Variants in COL27A1 observed in about 807,000 individuals in gnomAD.
COL27A1 encodes the protein collagen alpha-1(XXVII) chain.
A neutral mutation model predicts 251.3 loss-of-function variants in COL27A1; 106 were observed. The ratio of observed to expected loss-of-function variants is 0.42; its 90% CI spans 0.36 to 0.50. COL27A1 has a LOEUF of 0.50. COL27A1 is among the 20% of genes least tolerant of loss of function. The probability of loss-of-function intolerance (pLI) is 0.00; values close to 1 mark genes in which losing one functional copy is unlikely to be tolerated. For synonymous variants in COL27A1, 1,000 were observed against 986.3 expected, an observed-to-expected ratio of 1.01 and a Z score of -0.26; for missense variants, 2,325 against 2,522.8, an observed-to-expected ratio of 0.92 and a Z score of 1.68.
At chr9:114,260,036 G>A (rs1362818963) in intron 28 of COL27A1, among the ~76,000 whole-genome samples, 1 of 152,106 alleles carries the variant, frequency 6.6e-6, no homozygotes, top group South Asian at 2.1e-4. Context: ...GCCAAGGGCA[G>A]CCAGGCTCCA....
At chr9:114,308,164 A>G (rs139196927) in intron 59 of COL27A1, among the ~76,000 whole-genome samples, 1 of 152,300 alleles carries the variant, frequency 6.6e-6, no homozygotes, top group Non-Finnish European at 1.5e-5. Flanking sequence ...CGAATACTTA[A>G]CTCATGTTCA....
At position 114,155,997 on chromosome 9, in the gene COL27A1, C is replaced by T. The variant is rs767203384; in HGVS notation, c.47C>T (p.Ala16Val). 10 of 1,295,412 alleles carry T rather than the reference C, an allele frequency of 7.7e-6. No homozygotes were observed. In the African/African-American group the frequency reaches 1.2e-4, roughly 16 times the overall value. The allele number at this position is 1,295,412 out of a possible 1,614,324, so 80.2% of individuals were successfully genotyped here. ...GGGGCCCGAGGCACAGCGGCGGCGG[C>T]GGCGGCGCGCGGGGGGTGAGTACGA... Reference protein sequence around the residue: ...ARGARGTAAAAAARGGGFLFS... With the variant: ...ARGARGTAAAVAARGGGFLFS... The change falls in exon 1 of 61, where the codon GCG becomes GTG. Residue 16 changes from alanine to valine, a missense_variant. Ala to Val is a moderately conservative substitution (Grantham distance 64, BLOSUM62 0). This residue lies in a region of COL27A1 where 1,183 missense variants were observed against 1,144.1 expected (regional missense o/e 1.03). Transcript: ENST00000356083. The surrounding 1 kb of genome is among the most constrained non-coding windows in gnomAD (Gnocchi z 5.5).
intron 5 of COL27A1, among the ~76,000 whole-genome samples, chr9:114,191,637 G>T (rs1828756694): frequency 6.6e-6 from 1 of 152,196 alleles, no homozygotes. Context: ...TGATGTATAT[G>T]TACCACATTT....
At chr9:114,166,368 A>AATCCATCCATCCATCC (rs377695234) in intron 2 of COL27A1, among the ~76,000 whole-genome samples, 5 of 37,080 alleles carry the variant, frequency 1.3e-4, no homozygotes, top group South Asian at 1.9e-3. Context: ...TCCATCCATC[A>AATCCATCCATCCATCC]ATCCATCCAT....
intron 19 of COL27A1, among the ~76,000 whole-genome samples, chr9:114,239,130 C>T (rs894866184): frequency 2.0e-5 from 3 of 152,226 alleles, no homozygotes; most frequent in African/African-American, 7.2e-5. Context: ...CAGCACCCTG[C>T]CTGCTTCTTT....
At chr9:114,224,579 A>G (rs906641217) in intron 14 of COL27A1, among the ~76,000 whole-genome samples, 1 of 151,890 alleles carries the variant, frequency 6.6e-6, no homozygotes, top group African/African-American at 2.4e-5. Context: ...GAGAGGAGCA[A>G]GAATATTGCT....
Position 114,290,778 on chromosome 9 carries a change from A to G in COL27A1, c.4369-32A>G, listed in dbSNP as rs2131626991. 6.7e-7 allele frequency: 1 copy of G among 1,493,744 alleles called. No homozygotes were observed. Among genetic ancestry groups the G allele is most frequent in the Non-Finnish European group, 9.0e-7 (1 of 1,105,632 alleles). The allele number at this position is 1,493,744 out of a possible 1,614,324, so 92.5% of individuals were successfully genotyped here. A position where few individuals can be genotyped will look rare whatever the true frequency, so the allele number is the denominator to read the frequency against. On this transcript the variant is annotated intron_variant, in intron 47 of 60. Transcript: ENST00000356083. The surrounding 1 kb of genome is among the most constrained non-coding windows in gnomAD (Gnocchi z 4.6). ...CTTCCTTGGCTGTATCGTGAAACAC[A>G]AGAGACCCTCCTCTGCCTGCTTTCT...
intron 5 of COL27A1, among the ~76,000 whole-genome samples, chr9:114,185,211 G>C (rs1215668848): frequency 6.6e-6 from 1 of 152,222 alleles, no homozygotes; most frequent in Non-Finnish European, 1.5e-5. Context: ...CCACCACATG[G>C]AGCTGGGAAC....
intron 2 of COL27A1, among the ~76,000 whole-genome samples, chr9:114,165,123 GGC>G (rs1348879757): frequency 6.6e-6 from 1 of 152,196 alleles, no homozygotes; most frequent in Non-Finnish European, 1.5e-5. Flanking sequence ...CTATGGTGTA[GGC>G]GCACTTTATA....
At chr9:114,281,794 G>T (rs1020570299) in intron 37 of COL27A1, among the ~76,000 whole-genome samples, 2 of 152,182 alleles carry the variant, frequency 1.3e-5, no homozygotes, top group Non-Finnish European at 2.9e-5. Context: ...TGGGACCCTG[G>T]GCAAAAGTCA....
At position 114,286,905 on chromosome 9, in the gene COL27A1, C is replaced by T. The variant is rs1024952289; in HGVS notation, c.3988-1550C>T. Among the ~76,000 whole-genome samples the T allele has an allele frequency of 3.9e-5, 6 of 152,246 alleles. No homozygotes were observed. The East Asian group carries it at 5.8e-4, about 15-fold the overall frequency. Reference sequence around the variant, plus strand: ...CTTTAAGTGTGGACAGTAGTCCCAGCGGCATAGTTACTGTGCAGATCGGAT... The same window carrying T: ...CTTTAAGTGTGGACAGTAGTCCCAGTGGCATAGTTACTGTGCAGATCGGAT... On this transcript the variant is annotated intron_variant, in intron 41 of 60. Transcript: ENST00000356083.
chr9:114,159,961 G>A (rs969415339), intron 1 of COL27A1, among the ~76,000 whole-genome samples: 24 of 152,216 alleles, frequency 1.6e-4, no homozygotes, highest in Admixed American at 2.0e-4. Flanking sequence ...GGCAACCCCA[G>A]GGCAGCTTGA....
At chr9:114,231,916 C>A (rs190912459) in intron 16 of COL27A1, 50 bp downstream of exon 16, 6 of 1,573,606 alleles carry the variant, frequency 3.8e-6, no homozygotes, top group Non-Finnish European at 3.5e-6. Flanking sequence ...CATGCCACCC[C>A]CCTCTCCGCC....
chr9:114,307,589 A>T, intron 58 of COL27A1, 80 bp from the exon 59 acceptor site: 1 of 987,264 alleles, frequency 1.0e-6, no homozygotes, highest in Non-Finnish European at 1.6e-6. Flanking sequence ...AGGTCACAAG[A>T]TGCAGGGTCC....
At chr9:114,212,576 A>G (rs1035777692) in intron 12 of COL27A1, among the ~76,000 whole-genome samples, 2 of 152,240 alleles carry the variant, frequency 1.3e-5, no homozygotes, top group Admixed American at 6.5e-5. Flanking sequence ...GGGATCTTGA[A>G]TAAGTTAGTC....
chr9:114,300,938 T>G (rs1406179082), intron 51 of COL27A1, 134 bp from the exon 52 acceptor site: 1 of 894,938 alleles, frequency 1.1e-6, no homozygotes, highest in Non-Finnish European at 1.7e-6. Flanking sequence ...GCTCAGGAGA[T>G]GCATGGCCTG....
At chr9:114,173,976 GC>G (rs1316949193) in intron 3 of COL27A1, among the ~76,000 whole-genome samples, 2 of 93,152 alleles carry the variant, frequency 2.1e-5, no homozygotes, top group African/African-American at 7.5e-5. Flanking sequence ...GGGGAGGACT[GC>G]CCCCATTTTT....
intron 14 of COL27A1, among the ~76,000 whole-genome samples, chr9:114,223,979 C>G (rs2135400370): frequency 6.6e-6 from 1 of 152,318 alleles, no homozygotes; most frequent in South Asian, 2.1e-4. Context: ...ACAAAAATTT[C>G]ACAGTCACAT....
chr9:114,194,364 A>G (rs769316046), intron 5 of COL27A1, 40 bp from the exon 6 acceptor site: 4 of 1,604,540 alleles, frequency 2.5e-6, no homozygotes, highest in East Asian at 4.5e-5. Context: ...CATCCTTTCT[A>G]GATGACTTGG....
Sources: allele counts gnomAD v4.1 joint callset (sites outside exome capture counted in the v4.1 genomes callset), GRCh38; gene constraint gnomAD v4.1.1; regional missense constraint gnomAD v4.1.1; non-coding constraint Gnocchi (gnomAD v3.1); transcripts MANE v1.5; gene names NCBI Gene and HGNC (gene_info 2026-07-23, HGNC 2026-07-21).